CFAP69: variants seen among roughly 807,000 people sequenced by gnomAD.
CFAP69 encodes cilia- and flagella-associated protein 69.
A neutral mutation model predicts 123.0 loss-of-function variants in CFAP69; 92 were observed. The ratio of observed to expected loss-of-function variants is 0.75; its 90% CI spans 0.63 to 0.89. The LOEUF (loss-of-function observed/expected upper bound fraction) is 0.89. Among genes scored for constraint, CFAP69 ranks in the 40% least tolerant of loss-of-function variants. The pLI, the probability that CFAP69 is intolerant of heterozygous loss-of-function variation, is 0.00. For missense variants in CFAP69, 1,067 were observed against 1,096.9 expected (o/e 0.97, Z 0.39); for synonymous variants, 380 against 364.3 (o/e 1.04, Z -0.49).
chr7:90,277,309 T>C lies in CFAP69; in HGVS notation c.1130T>C (p.Leu377Ser). 5 of 1,575,910 alleles carry C rather than the reference T, an allele frequency of 3.2e-6. No individual in the cohort carries two copies. The highest frequency in any genetic ancestry group is 4.3e-6 in the Non-Finnish European group (5 of 1,164,646). The change falls in exon 11 of 23, where the codon TTA becomes TCA. Residue 377 changes from leucine to serine, a missense_variant. Transcript: ENST00000389297. ...KKLLFNVIVI[L>S]CKDLPTVQLL... The stretch of plus-strand genomic sequence containing the variant: ...TTACTATTCAACGTAATTGTGATCT[T>C]ATGTAAAGATTTACCTACTGTACAG...
intron 3 of CFAP69, among the ~76,000 whole-genome samples, chr7:90,259,745 C>G (rs1798079141): frequency 6.6e-6 from 1 of 152,060 alleles, no homozygotes; most frequent in Admixed American, 6.6e-5. Flanking sequence ...CTCGGCCTCC[C>G]AAAGTGCTGG....
rs147626109 is a variant in CFAP69 at position 90,273,223 on chromosome 7, T to C, written c.861-764T>C. On this transcript the variant is annotated intron_variant, in intron 8 of 22. Coordinates refer to ENST00000389297, the MANE Select transcript of CFAP69 (RefSeq NM_001039706.3). Reference sequence around the variant, plus strand: ...ACAGGGAAAACAAGTGAAAATATAATTAGCAAAATCAGAAAACTAAAATTC... The same window carrying C: ...ACAGGGAAAACAAGTGAAAATATAACTAGCAAAATCAGAAAACTAAAATTC... Among the ~76,000 whole-genome samples, 3 of 152,194 alleles carry C rather than the reference T, an allele frequency of 2.0e-5. No individual in the cohort carries two copies. In the East Asian group the frequency reaches 5.8e-4, roughly 29 times the overall value.
intron 3 of CFAP69, among the ~76,000 whole-genome samples, chr7:90,261,614 A>G (rs1295463553): frequency 6.6e-6 from 1 of 152,200 alleles, no homozygotes; most frequent in Admixed American, 6.5e-5. Flanking sequence ...CCTAATCAGT[A>G]AGTTAATGTT....
chr7:90,246,600 TC>T (rs1466389916), intron 1 of CFAP69, among the ~76,000 whole-genome samples: 1 of 152,196 alleles, frequency 6.6e-6, no homozygotes, highest in Non-Finnish European at 1.5e-5. Flanking sequence ...ATTTGCCTAA[TC>T]GATTTTGTGG....
intron 1 of CFAP69, chr7:90,252,012 T>C (rs758430592): frequency 7.0e-6 from 1 of 143,782 alleles, no homozygotes; most frequent in Non-Finnish European, 1.5e-5. Flanking sequence ...TTCCCTTGAT[T>C]AGCCTTAAAA....
At position 90,310,072 on chromosome 7, in the gene CFAP69, C is replaced by T. The variant is rs1794150908; in HGVS notation, c.2660C>T (p.Pro887Leu). Residue 887 changes from proline to leucine, a missense_variant, in exon 23 of 23, where the codon CCC becomes CTC. By Grantham distance (98) the Pro-to-Leu change is moderately conservative (BLOSUM62 -3). Transcript: ENST00000389297. ...THIKGLNTTVPSGGVVTVEST... is the reference protein window; with the variant it reads ...THIKGLNTTVLSGGVVTVEST... ...ATTTACCTTTTGCCTTTTTAGGTGC[C>T]CTCTGGTGGAGTAGTAACAGTGGAA... 1 of 1,602,452 alleles carries T rather than the reference C, an allele frequency of 6.2e-7. No homozygotes were observed. Among genetic ancestry groups the T allele is most frequent in the South Asian group, 1.1e-5 (1 of 88,880 alleles).
At chr7:90,247,882 A>G (rs527939605) in intron 1 of CFAP69, among the ~76,000 whole-genome samples, 2 of 152,314 alleles carry the variant, frequency 1.3e-5, no homozygotes, top group African/African-American at 4.8e-5. Flanking sequence ...GAAATAATAT[A>G]TAAGCAAACT....
intron 11 of CFAP69, 22 bp from the exon 12 acceptor site, chr7:90,279,655 T>C: frequency 6.9e-7 from 1 of 1,448,464 alleles, no homozygotes; most frequent in Non-Finnish European, 9.4e-7. Flanking sequence ...TCTAACAAAG[T>C]ATCCTTTGTT....
chr7:90,317,352 T>G, the CFAP69 span: 1 of 152,086 alleles, frequency 6.6e-6, no homozygotes, highest in Admixed American at 6.5e-5. Flanking sequence ...ATCAAAAGCT[T>G]AATGGACATA....
intron 4 of CFAP69, among the ~76,000 whole-genome samples, chr7:90,263,536 A>G (rs1798621302): frequency 1.3e-5 from 2 of 152,202 alleles, no homozygotes; most frequent in Non-Finnish European, 2.9e-5. Context: ...AAGTTTGGGA[A>G]CAAAAAGTAC....
In CFAP69 at chr7:90,253,737, C is replaced by A. The variant is rs914047961; in HGVS notation, c.121-1686C>A. 2.6e-5 allele frequency among the ~76,000 whole-genome samples: 4 copies of A among 152,214 alleles called. No homozygotes were observed. In the South Asian group the frequency reaches 6.2e-4, roughly 24 times the overall value. On this transcript the variant is annotated intron_variant, in intron 1 of 22. Coordinates refer to ENST00000389297, the MANE Select transcript of CFAP69 (RefSeq NM_001039706.3). ...TTCCTTGTATATTCTTGTTATTAAT[C>A]CCTTGTCAGATGGATAGGTTGCAAA...
At chr7:90,280,307 C>T (rs1452644680) in intron 12 of CFAP69, among the ~76,000 whole-genome samples, 4 of 152,190 alleles carry the variant, frequency 2.6e-5, no homozygotes, top group Non-Finnish European at 4.4e-5. Flanking sequence ...TAGCGATCCT[C>T]CCACCCCAGC....
chr7:90,288,541 CTACAAACTG>C (rs1470917254), intron 15 of CFAP69, among the ~76,000 whole-genome samples, 189 bp downstream of exon 15: 1 of 152,044 alleles, frequency 6.6e-6, no homozygotes, highest in Non-Finnish European at 1.5e-5. Flanking sequence ...AGCCTAAAGG[CTACAAACTG>C]TATGTCATAT....
downstream of CFAP69, among the ~76,000 whole-genome samples, chr7:90,314,187 C>T (rs1157408418): frequency 5.3e-5 from 8 of 151,978 alleles, no homozygotes; most frequent in South Asian, 6.2e-4. Flanking sequence ...CTCGGTGTAA[C>T]GTGGGATCCT....
intron 12 of CFAP69, 30 bp from the exon 13 acceptor site, chr7:90,282,862 T>G: frequency 7.0e-7 from 1 of 1,420,854 alleles, no homozygotes; most frequent in Non-Finnish European, 9.3e-7. Context: ...TGAAATGTTT[T>G]TGTTTTAAAT....
intron 16 of CFAP69, among the ~76,000 whole-genome samples, chr7:90,298,755 G>A (rs188723178): frequency 0.01 from 1,544 of 152,150 alleles, 14 homozygotes; most frequent in Non-Finnish European, 0.015. Context: ...ATATATTATA[G>A]ATTAAATATA....
chr7:90,260,394 C>T (rs1451786480), intron 3 of CFAP69, among the ~76,000 whole-genome samples: 1 of 152,024 alleles, frequency 6.6e-6, no homozygotes, highest in East Asian at 1.9e-4. Flanking sequence ...GCGATGCACA[C>T]CTGTAGTTTT....
the CFAP69 span, chr7:90,318,578 A>G: frequency 6.6e-6 from 1 of 152,124 alleles, no homozygotes; most frequent in Non-Finnish European, 1.5e-5. Flanking sequence ...ATACCTTATA[A>G]AATTGGTTAC....
At position 90,310,227 on chromosome 7, in the gene CFAP69, A is replaced by G; in HGVS notation, c.2815A>G (p.Ile939Val). Residue 939 changes from isoleucine (I) to valine (V), a missense_variant, in exon 23 of 23, where the codon ATT becomes GTT. Ile to Val is a conservative substitution (Grantham distance 29). Coordinates refer to ENST00000389297, the MANE Select transcript of CFAP69 (RefSeq NM_001039706.3). ...AATTGTGGATGCACCAAAAAAGAGTATTCCTACGTAATATACTATAGAGAC... is the reference window on the plus strand; with the variant it reads ...AATTGTGGATGCACCAAAAAAGAGTGTTCCTACGTAATATACTATAGAGAC... Reference protein sequence around the residue: ...VKIVDAPKKSIPT With the variant: ...VKIVDAPKKSVPT 2 of 1,613,226 alleles carry G rather than the reference A, an allele frequency of 1.2e-6. No individual in the cohort carries two copies. Among genetic ancestry groups the G allele is most frequent in the South Asian group, 1.1e-5 (1 of 91,030 alleles).
Sources: gnomAD v4.1 joint callset for allele counts (sites outside exome capture counted in the v4.1 genomes callset) on GRCh38, gnomAD v4.1.1 for gene constraint, MANE v1.5 for transcripts, NCBI Gene and HGNC (gene_info 2026-07-23, HGNC 2026-07-21) for gene names.